PLCB4: variants seen among roughly 807,000 people sequenced by gnomAD.
PLCB4 encodes the protein phospholipase C beta 4.
PLCB4 carries 77 observed loss-of-function variants against 178.8 expected under a neutral mutation model. The ratio of observed to expected loss-of-function variants is 0.43; its 90% CI spans 0.36 to 0.52. PLCB4 has a LOEUF of 0.52. Among genes scored for constraint, PLCB4 ranks in the 20% least tolerant of loss-of-function variants. The pLI is 0.00. For synonymous variants in PLCB4, 496 were observed against 490.8 expected (o/e 1.01, Z -0.14); for missense variants, 1,024 against 1,453.4 (o/e 0.70, Z 4.80).
intron 2 of PLCB4, among the ~76,000 whole-genome samples, chr20:9,184,994 C>A (rs2093308887): frequency 6.6e-6 from 1 of 152,212 alleles, no homozygotes; most frequent in African/African-American, 2.4e-5. Flanking sequence ...ACAATCATAG[C>A]CCACTGCAGC....
chr20:9,400,767 C>T (rs554401259), intron 19 of PLCB4, among the ~76,000 whole-genome samples: 2 of 152,130 alleles, frequency 1.3e-5, no homozygotes, highest in African/African-American at 4.8e-5. Context: ...TTTTTCCCCA[C>T]GAACATCCTG....
At chr20:9,212,239 A>G (rs913685506) in intron 2 of PLCB4, among the ~76,000 whole-genome samples, 1 of 152,238 alleles carries the variant, frequency 6.6e-6, no homozygotes, top group South Asian at 2.1e-4. Flanking sequence ...TCTTTGTTGT[A>G]CTGCACAATC....
Position 9,431,156 on chromosome 20 carries a change from C to G in PLCB4, c.2525-4404C>G, listed in dbSNP as rs185829367. On this transcript the variant is annotated intron_variant, in intron 28 of 39. Coordinates refer to ENST00000378473, the MANE Select transcript of PLCB4 (RefSeq NM_001377142.1). ...TCTCGGGAAGAATCCTTCCTTGCCTCTTTCTGGCTTCTGGTGGCTTCAGAC... is the reference window on the plus strand; with the variant it reads ...TCTCGGGAAGAATCCTTCCTTGCCTGTTTCTGGCTTCTGGTGGCTTCAGAC... Among the ~76,000 whole-genome samples, 515 of 152,290 alleles carry G rather than the reference C, an allele frequency of 3.4e-3. 4 individuals carry two copies. Among genetic ancestry groups the G allele is most frequent in the East Asian group, 9.1e-3 (47 of 5,176 alleles).
At chr20:9,340,753 C>A (rs905177910) in intron 7 of PLCB4, among the ~76,000 whole-genome samples, 1 of 152,074 alleles carries the variant, frequency 6.6e-6, no homozygotes, top group Admixed American at 6.6e-5. Context: ...AGCAGATATA[C>A]GCTGGACCTC....
intron 4 of PLCB4, among the ~76,000 whole-genome samples, chr20:9,309,957 T>C (rs1455441240): frequency 2.6e-5 from 4 of 152,220 alleles, no homozygotes; most frequent in African/African-American, 9.7e-5. Flanking sequence ...TTAAATAAAA[T>C]GTAACTAAGC....
intron 20 of PLCB4, among the ~76,000 whole-genome samples, chr20:9,403,571 C>T (rs2039206549): frequency 6.6e-6 from 1 of 152,154 alleles, no homozygotes; most frequent in African/African-American, 2.4e-5. Context: ...CCAGTGCAGC[C>T]ATGTGGTGGA....
chr20:9,443,994 C>T lies in PLCB4; in HGVS notation c.2778C>T (p.Ile926=), dbSNP rs144853204. 1.3e-6 allele frequency: 2 copies of T among 1,592,074 alleles called. No individual in the cohort carries two copies. The highest frequency in any genetic ancestry group is 1.1e-5 in the South Asian group (1 of 88,154). The change falls in exon 31 of 40, where the codon ATC becomes ATT. Residue 926 remains isoleucine (I), a synonymous_variant. Transcript: ENST00000378473. The part of the protein sequence containing the change: ...GVEAKKGIEL[I]PQVRIEDLKQ... Reference sequence around the variant, plus strand: ...TTGTTTGTTTAGGTATTGAACTTATCCCTCAAGTAAGGATAGAAGACTTAA... The same window carrying T: ...TTGTTTGTTTAGGTATTGAACTTATTCCTCAAGTAAGGATAGAAGACTTAA...
chr20:9,439,273 C>T (rs2041964997), intron 30 of PLCB4, among the ~76,000 whole-genome samples: 1 of 152,184 alleles, frequency 6.6e-6, no homozygotes, highest in Non-Finnish European at 1.5e-5. Flanking sequence ...ACCTTATGCA[C>T]ACATCTGTCA....
chr20:9,193,345 T>C (rs1034203285), intron 2 of PLCB4, among the ~76,000 whole-genome samples: 6 of 152,218 alleles, frequency 3.9e-5, no homozygotes, highest in Non-Finnish European at 8.8e-5. Context: ...TGAGGACCAG[T>C]GTAGAACATG....
At chr20:9,203,795 T>C (rs1162917868) in intron 2 of PLCB4, among the ~76,000 whole-genome samples, 2 of 144,664 alleles carry the variant, frequency 1.4e-5, no homozygotes, top group Non-Finnish European at 3.0e-5. Context: ...TTTTTTTTTT[T>C]TTTTTTTTCC....
Position 9,349,963 on chromosome 20 carries a change from G to A in PLCB4, c.369+10926G>A, listed in dbSNP as rs565675467. Among the ~76,000 whole-genome samples the A allele has an allele frequency of 2.9e-4, 44 of 152,232 alleles. 1 individual carries two copies. Among genetic ancestry groups the A allele is most frequent in the Middle Eastern group, 6.8e-3 (2 of 294 alleles). Reference sequence around the variant, plus strand: ...AAAACTGGATGGCATGAAGAAGTGGGCAGAATCCCTTGTATTACATGAGAC... The same window carrying A: ...AAAACTGGATGGCATGAAGAAGTGGACAGAATCCCTTGTATTACATGAGAC... On this transcript the variant is annotated intron_variant, in intron 7 of 39. Coordinates refer to ENST00000378473, the MANE Select transcript of PLCB4 (RefSeq NM_001377142.1).
rs1000754870 is a variant in PLCB4 at position 9,242,436 on chromosome 20, C to G, written c.-16+24984C>G. Among the ~76,000 whole-genome samples the G allele has an allele frequency of 9.9e-5, 15 of 152,208 alleles. 1 individual carries two copies. The highest frequency in any genetic ancestry group is 8.5e-4 in the Admixed American group (13 of 15,276). On this transcript the variant is annotated intron_variant, in intron 3 of 39. Coordinates refer to ENST00000378473, the MANE Select transcript of PLCB4 (RefSeq NM_001377142.1). ...AGGGCAAATGAAAACAAAGGGATGG[C>G]TCCTTTGTCCCTTGACAAGCTTGCC...
intron 4 of PLCB4, among the ~76,000 whole-genome samples, chr20:9,326,182 T>C (rs985755303): frequency 6.6e-6 from 1 of 152,196 alleles, no homozygotes; most frequent in Non-Finnish European, 1.5e-5. Context: ...CATAGGACCT[T>C]GGTAAGCACC....
intron 2 of PLCB4, among the ~76,000 whole-genome samples, chr20:9,155,421 G>C (rs777801775): frequency 2.0e-5 from 3 of 152,128 alleles, no homozygotes; most frequent in Non-Finnish European, 2.9e-5. Flanking sequence ...TTGTTGAAAA[G>C]AGCTGCAAAG....
chr20:9,198,067 A>G (rs1233120567), intron 2 of PLCB4, among the ~76,000 whole-genome samples: 2 of 152,236 alleles, frequency 1.3e-5, no homozygotes, highest in Non-Finnish European at 2.9e-5. Flanking sequence ...ATTTCTCAAC[A>G]AAAGGACTCT....
chr20:9,200,276 T>C (rs1601094511), intron 2 of PLCB4, among the ~76,000 whole-genome samples: 2 of 152,320 alleles, frequency 1.3e-5, no homozygotes, highest in Admixed American at 1.3e-4. Context: ...CATTTCCCTT[T>C]CTTACACGTC....
At chr20:9,106,944 T>A (rs1462443795) in intron 2 of PLCB4, among the ~76,000 whole-genome samples, 1 of 152,170 alleles carries the variant, frequency 6.6e-6, no homozygotes, top group Non-Finnish European at 1.5e-5. Flanking sequence ...AGTCAGACTG[T>A]GGAATACTAT....
chr20:9,209,403 C>T (rs1033752202), intron 2 of PLCB4, among the ~76,000 whole-genome samples: 4 of 151,388 alleles, frequency 2.6e-5, no homozygotes, highest in Admixed American at 1.3e-4. Flanking sequence ...CCTTGGTTTA[C>T]ATCTCCTGTA....
chr20:9,263,520 G>A (rs6056506), intron 3 of PLCB4, among the ~76,000 whole-genome samples: 6 of 151,978 alleles, frequency 3.9e-5, no homozygotes, highest in African/African-American at 1.2e-4. Context: ...TGTTAGAGTC[G>A]CGTGGTAACA....
Sources: gnomAD v4.1 joint callset for allele counts (sites outside exome capture counted in the v4.1 genomes callset) on GRCh38, gnomAD v4.1.1 for gene constraint, MANE v1.5 for transcripts, NCBI Gene and HGNC (gene_info 2026-07-23, HGNC 2026-07-21) for gene names.